Variants in CDH12 observed in about 807,000 individuals in gnomAD.
CDH12 encodes the protein cadherin 12.
In CDH12, 41 loss-of-function variants were observed where a neutral mutation model predicts 74.1. That is an observed-to-expected ratio of 0.55 (90% CI 0.43 to 0.72). The LOEUF (loss-of-function observed/expected upper bound fraction) is 0.72. Ranked by LOEUF, CDH12 falls within the 30% of genes least tolerant of loss-of-function variation. The pLI is 0.00. For missense variants in CDH12, 945 were observed against 977.2 expected (o/e 0.97, Z 0.44); for synonymous variants, 399 against 355.0 (o/e 1.12, Z -1.39).
intron 2 of CDH12, among the ~76,000 whole-genome samples, chr5:22,422,791 T>C (rs1420474396): frequency 6.6e-6 from 1 of 152,142 alleles, no homozygotes; most frequent in Non-Finnish European, 1.5e-5. Flanking sequence ...ATGAAATACC[T>C]CAGTCTGAAT....
rs552509823 is a variant in CDH12, at chr5:21,828,715, C to T, written c.815-11583G>A. On this transcript the variant is annotated intron_variant, in intron 8 of 14. Coordinates refer to ENST00000382254, the MANE Select transcript of CDH12 (RefSeq NM_004061.5). ...CCGCATTTTATTTTTTTAATATTTTCTGTGTCATCCCTGTTTTGTTGCTTT... is the reference window on the plus strand; with the variant it reads ...CCGCATTTTATTTTTTTAATATTTTTTGTGTCATCCCTGTTTTGTTGCTTT... Among the ~76,000 whole-genome samples, 3 of 151,998 alleles carry T rather than the reference C, an allele frequency of 2.0e-5. No homozygotes were observed. The South Asian group carries it at 6.2e-4, about 32-fold the overall frequency.
At chr5:22,157,934 T>C (rs1748125898) in intron 4 of CDH12, among the ~76,000 whole-genome samples, 1 of 151,992 alleles carries the variant, frequency 6.6e-6, no homozygotes, top group Non-Finnish European at 1.5e-5. Flanking sequence ...GGGATAAAGA[T>C]TATAATGAGA....
At chr5:22,629,121 C>G (rs1580832138) in intron 1 of CDH12, among the ~76,000 whole-genome samples, 1 of 151,756 alleles carries the variant, frequency 6.6e-6, no homozygotes, top group Non-Finnish European at 1.5e-5. Context: ...GGCTGCCAAC[C>G]AGGAAAAGGC....
chr5:21,781,636 A>G (rs1396861640), intron 11 of CDH12, among the ~76,000 whole-genome samples: 1 of 151,964 alleles, frequency 6.6e-6, no homozygotes, highest in Non-Finnish European at 1.5e-5. Flanking sequence ...AGGCAGGAGA[A>G]TCGCTTGAAC....
At chr5:22,094,083 A>G (rs1170337756) in intron 4 of CDH12, among the ~76,000 whole-genome samples, 1 of 152,188 alleles carries the variant, frequency 6.6e-6, no homozygotes, top group Non-Finnish European at 1.5e-5. Flanking sequence ...TGGGCTGGAA[A>G]TCGCCCACAT....
intron 1 of CDH12, among the ~76,000 whole-genome samples, chr5:22,713,645 GATA>G (rs1743413695): frequency 6.6e-6 from 1 of 152,010 alleles, no homozygotes; most frequent in South Asian, 2.1e-4. Context: ...TGGCATAATA[GATA>G]TGTAACATAA....
intron 3 of CDH12, among the ~76,000 whole-genome samples, chr5:22,216,868 A>T (rs1166647066): frequency 2.0e-5 from 3 of 152,022 alleles, no homozygotes; most frequent in African/African-American, 7.2e-5. Context: ...CCATTTAAAA[A>T]GCTTCTATTT....
At chr5:22,655,295 C>G (rs1739974916) in intron 1 of CDH12, among the ~76,000 whole-genome samples, 1 of 152,144 alleles carries the variant, frequency 6.6e-6, no homozygotes, top group Admixed American at 6.5e-5. Flanking sequence ...TCATCCAAGC[C>G]ATGCAATATG....
intron 1 of CDH12, among the ~76,000 whole-genome samples, chr5:22,751,819 T>C (rs1162019471): frequency 6.6e-6 from 1 of 152,228 alleles, no homozygotes; most frequent in African/African-American, 2.4e-5. Context: ...GATGCTACCA[T>C]ACATATTTAT....
chr5:22,412,625 A>AGGAGGAAACTGTGGCAGAGTTAAGT (rs1743211223), intron 2 of CDH12, among the ~76,000 whole-genome samples: 1 of 151,886 alleles, frequency 6.6e-6, no homozygotes, highest in Admixed American at 6.6e-5. Context: ...TACATTATTG[A>AGGAGGAAACTGTGGCAGAGTTAAGT]GGAGGAAACT....
intron 4 of CDH12, among the ~76,000 whole-genome samples, chr5:22,186,123 T>C (rs1267718966): frequency 6.6e-6 from 1 of 152,212 alleles, no homozygotes; most frequent in African/African-American, 2.4e-5. Context: ...TGCCTGACAT[T>C]ATTAAGAATC....
intron 6 of CDH12, among the ~76,000 whole-genome samples, chr5:21,855,701 G>T (rs1277497995): frequency 6.6e-6 from 1 of 151,492 alleles, no homozygotes; most frequent in East Asian, 1.9e-4. Flanking sequence ...TATGCAGTGA[G>T]CAGAACTCCC....
At chr5:21,821,967 C>G (rs566527052) in intron 8 of CDH12, among the ~76,000 whole-genome samples, 3 of 151,588 alleles carry the variant, frequency 2.0e-5, no homozygotes, top group African/African-American at 7.3e-5. Context: ...TTAAACAACA[C>G]GAAAAGGAAA....
chr5:22,543,068 G>A (rs1224590988), intron 1 of CDH12, among the ~76,000 whole-genome samples: 1 of 152,066 alleles, frequency 6.6e-6, no homozygotes, highest in Non-Finnish European at 1.5e-5. Flanking sequence ...TGAGAATTAT[G>A]TTCATTCTTA....
intron 1 of CDH12, among the ~76,000 whole-genome samples, chr5:22,509,261 T>A (rs146786761): frequency 6.6e-6 from 1 of 152,214 alleles, no homozygotes; most frequent in Non-Finnish European, 1.5e-5. Flanking sequence ...ACTGATAACC[T>A]GCAATTATGT....
intron 4 of CDH12, among the ~76,000 whole-genome samples, chr5:22,189,642 A>G (rs1054187898): frequency 6.6e-6 from 1 of 152,226 alleles, no homozygotes; most frequent in African/African-American, 2.4e-5. Context: ...GTTCTAATAA[A>G]TTTATAAAAA....
intron 1 of CDH12, among the ~76,000 whole-genome samples, chr5:22,545,598 C>T (rs1157365438): frequency 6.6e-6 from 1 of 152,128 alleles, no homozygotes; most frequent in Non-Finnish European, 1.5e-5. Context: ...TATTTTAGAT[C>T]ATTTGGTAAG....
At chr5:22,408,320 G>A (rs1197685607) in intron 2 of CDH12, among the ~76,000 whole-genome samples, 2 of 151,996 alleles carry the variant, frequency 1.3e-5, no homozygotes, top group Middle Eastern at 3.4e-3. Context: ...ACAATATAAT[G>A]AGGGATAACC....
chr5:22,499,104 G>C (rs1747231991), intron 2 of CDH12, among the ~76,000 whole-genome samples: 1 of 150,744 alleles, frequency 6.6e-6, no homozygotes, highest in African/African-American at 2.4e-5. Flanking sequence ...GTAGGGACAG[G>C]GTTTCACCAT....
Sources: allele counts gnomAD v4.1 joint callset (sites outside exome capture counted in the v4.1 genomes callset), GRCh38; gene constraint gnomAD v4.1.1; transcripts MANE v1.5; gene names NCBI Gene and HGNC (gene_info 2026-07-23, HGNC 2026-07-21).